UBE2H: variants seen among roughly 807,000 people sequenced by gnomAD.
The protein encoded by UBE2H is ubiquitin conjugating enzyme E2 H.
UBE2H carries 3 observed loss-of-function variants against 29.0 expected under a neutral mutation model. That is an observed-to-expected ratio of 0.10 (90% CI 0.05 to 0.27). The LOEUF is 0.27. UBE2H is among the 10% of genes least tolerant of loss of function. UBE2H has a pLI of 1.00. For missense variants in UBE2H, 68 were observed against 228.2 expected (o/e 0.30, Z 4.52); for synonymous variants, 69 against 82.9 (o/e 0.83, Z 0.91).
At chr7:129,937,067 C>T (rs573073114) in intron 1 of UBE2H, among the ~76,000 whole-genome samples, 5 of 152,108 alleles carry the variant, frequency 3.3e-5, no homozygotes, top group South Asian at 4.2e-4. Flanking sequence ...TGGTGGCTCG[C>T]GCCTGTAGTC....
At chr7:129,921,964 A>G (rs964253632) in intron 1 of UBE2H, among the ~76,000 whole-genome samples, 2 of 152,056 alleles carry the variant, frequency 1.3e-5, no homozygotes, top group African/African-American at 2.4e-5. Flanking sequence ...TACTGTGTTT[A>G]TGTAAGAAAA....
rs147406724 is a variant in UBE2H, at chr7:129,904,956, T to C, written c.54-23985A>G. 5.9e-5 allele frequency among the ~76,000 whole-genome samples: 9 copies of C among 152,088 alleles called. No homozygotes were observed. In the East Asian group the frequency reaches 1.7e-3, roughly 29 times the overall value. On this transcript the variant is annotated intron_variant, in intron 1 of 6. Coordinates refer to ENST00000355621, the MANE Select transcript of UBE2H (RefSeq NM_003344.4). ...ATGCTGGCTAAATGCAATGGGAGAT[T>C]AGCATTTTGCTCTTATATGGCAGCT...
chr7:129,879,660 A>T lies in UBE2H; in HGVS notation c.131-18T>A, dbSNP rs763883636. On this transcript the variant is annotated intron_variant, in intron 2 of 6. Coordinates refer to ENST00000355621, the MANE Select transcript of UBE2H (RefSeq NM_003344.4). Reference sequence around the variant, plus strand: ...ATATGGTGCTGAAATAAAAGTAAAAATGTTCATCAGAACTACATCTCCAAA... The same window carrying T: ...ATATGGTGCTGAAATAAAAGTAAAATTGTTCATCAGAACTACATCTCCAAA... 1 of 1,602,148 alleles carries T rather than the reference A, an allele frequency of 6.2e-7. No individual in the cohort carries two copies. The highest frequency in any genetic ancestry group is 2.2e-5 in the East Asian group (1 of 44,724).
intron 3 of UBE2H, among the ~76,000 whole-genome samples, chr7:129,878,586 G>A (rs1018431591): frequency 6.7e-6 from 1 of 150,058 alleles, no homozygotes; most frequent in Non-Finnish European, 1.5e-5. Context: ...GGGAGGCTGA[G>A]GCAGAAGAAT....
chr7:129,872,494 A>G (rs1300782843), intron 3 of UBE2H, among the ~76,000 whole-genome samples: 2 of 152,176 alleles, frequency 1.3e-5, no homozygotes, highest in African/African-American at 2.4e-5. Flanking sequence ...TATTATTCTG[A>G]CAATGAAAAA....
chr7:129,869,751 T>G (rs112276197), intron 3 of UBE2H, among the ~76,000 whole-genome samples: 7 of 152,184 alleles, frequency 4.6e-5, no homozygotes, highest in African/African-American at 1.7e-4. Context: ...GGGGTGGTGG[T>G]AGCAAAACAG....
At chr7:129,871,575 G>A (rs969749576) in intron 3 of UBE2H, among the ~76,000 whole-genome samples, 3 of 152,078 alleles carry the variant, frequency 2.0e-5, no homozygotes, top group Admixed American at 6.6e-5. Context: ...TTAGCTTGGC[G>A]TGTTGGCACA....
intron 1 of UBE2H, among the ~76,000 whole-genome samples, chr7:129,887,827 G>T (rs1279767083): frequency 6.6e-6 from 1 of 152,042 alleles, no homozygotes; most frequent in East Asian, 1.9e-4. Context: ...AAGTTACGGT[G>T]AGCTGAGATC....
At chr7:129,898,875 G>A (rs998249311) in intron 1 of UBE2H, among the ~76,000 whole-genome samples, 3 of 145,010 alleles carry the variant, frequency 2.1e-5, no homozygotes, top group African/African-American at 5.1e-5. Context: ...TTTCCACCCC[G>A]CAACTTCTAG....
chr7:129,892,143 G>A (rs977910737), intron 1 of UBE2H, among the ~76,000 whole-genome samples: 1 of 151,906 alleles, frequency 6.6e-6, no homozygotes, highest in African/African-American at 2.4e-5. Flanking sequence ...TGGTAGAGAC[G>A]GGGTTTCACC....
intron 1 of UBE2H, chr7:129,949,058 A>T (rs187502381): frequency 8.3e-5 from 38 of 456,570 alleles, no homozygotes; most frequent in Admixed American, 7.5e-4. Flanking sequence ...TTTTGCCTGC[A>T]TACGCTTTTC....
chr7:129,862,640 T>C (rs182804261), intron 3 of UBE2H, among the ~76,000 whole-genome samples: 1 of 152,258 alleles, frequency 6.6e-6, no homozygotes, highest in Admixed American at 6.5e-5. Context: ...AGAAGGTCAC[T>C]ATAGAGGGAA....
intron 1 of UBE2H, among the ~76,000 whole-genome samples, chr7:129,930,224 C>T (rs1399260326): frequency 2.0e-5 from 3 of 152,088 alleles, no homozygotes; most frequent in Admixed American, 6.6e-5. Context: ...TGTAATGGCA[C>T]GATCTCGGCT....
At chr7:129,898,571 A>G (rs1291414986) in intron 1 of UBE2H, among the ~76,000 whole-genome samples, 1 of 152,202 alleles carries the variant, frequency 6.6e-6, no homozygotes, top group Non-Finnish European at 1.5e-5. Context: ...AAACCTAGAC[A>G]CAACAGTGGA....
intron 1 of UBE2H, among the ~76,000 whole-genome samples, chr7:129,882,660 A>C (rs1419562671): frequency 1.3e-5 from 2 of 152,224 alleles, no homozygotes; most frequent in East Asian, 3.8e-4. Flanking sequence ...TCCACATAGG[A>C]AAACTGGCTT....
rs549257264 is a variant in UBE2H at position 129,835,067 on chromosome 7, C to G, written c.428-6G>C. On this transcript the variant is annotated splice_region_variant and splice_polypyrimidine_tract_variant and intron_variant, in intron 6 of 6. Coordinates refer to ENST00000355621, the MANE Select transcript of UBE2H (RefSeq NM_003344.4). ...GGCGTATTTCTGGATGTACTCTGCA[C>G]GGGGTGGGAGAAAGACAACAAGGGC... 5.0e-6 allele frequency: 8 copies of G among 1,613,932 alleles called. No homozygotes were observed. Among genetic ancestry groups the G allele is most frequent in the African/African-American group, 2.7e-5 (2 of 74,988 alleles).
chr7:129,925,121 G>T (rs1807239843), intron 1 of UBE2H, among the ~76,000 whole-genome samples: 1 of 152,052 alleles, frequency 6.6e-6, no homozygotes, highest in Non-Finnish European at 1.5e-5. Context: ...AGGCCAAGGT[G>T]GGTGGATCAC....
chr7:129,951,711 C>A (rs1005567260), intron 1 of UBE2H, among the ~76,000 whole-genome samples: 1 of 152,160 alleles, frequency 6.6e-6, no homozygotes, highest in South Asian at 2.1e-4. Context: ...AAGAACCTGA[C>A]CCTCACAGAG....
chr7:129,920,848 CAAAAAAAAAA>C (rs11347186), intron 1 of UBE2H, among the ~76,000 whole-genome samples: 10 of 73,998 alleles, frequency 1.4e-4, no homozygotes, highest in African/African-American at 4.6e-4. Flanking sequence ...TAGAAAAAGT[CAAAAAAAAAA>C]AAAAAAAAAA....
Sources: gnomAD v4.1 joint callset for allele counts (sites outside exome capture counted in the v4.1 genomes callset) on GRCh38, gnomAD v4.1.1 for gene constraint, MANE v1.5 for transcripts, NCBI Gene and HGNC (gene_info 2026-07-23, HGNC 2026-07-21) for gene names.